TNR: variants seen among roughly 807,000 people sequenced by gnomAD.
TNR encodes tenascin R.
In TNR, 45 loss-of-function variants were observed where a neutral mutation model predicts 150.4. The ratio of observed to expected loss-of-function variants is 0.30; its 90% CI spans 0.24 to 0.38. The LOEUF is 0.38. Ranked by LOEUF, TNR falls within the 10% of genes least tolerant of loss-of-function variation. TNR has a pLI of 1.00. For synonymous variants in TNR, 687 were observed against 678.4 expected, an observed-to-expected ratio of 1.01 and a Z score of -0.20; for missense variants, 1,544 against 1,759.1, an observed-to-expected ratio of 0.88 and a Z score of 2.19.
At chr1:175,351,498 TA>T (rs968560081) in intron 18 of TNR, among the ~76,000 whole-genome samples, 1 of 152,228 alleles carries the variant, frequency 6.6e-6, no homozygotes, top group Admixed American at 6.5e-5. Flanking sequence ...CAAGGGGTAT[TA>T]AAAATCGCCT....
chr1:175,626,105 T>C (rs1558043421), intron 1 of TNR, among the ~76,000 whole-genome samples: 1 of 152,208 alleles, frequency 6.6e-6, no homozygotes, highest in Non-Finnish European at 1.5e-5. Context: ...GCCACTGCCA[T>C]GTAAGAAGTG....
chr1:175,342,504 A>G (rs1650571487), intron 18 of TNR, among the ~76,000 whole-genome samples: 1 of 152,160 alleles, frequency 6.6e-6, no homozygotes, highest in Non-Finnish European at 1.5e-5. Flanking sequence ...TCATTTATGG[A>G]GGCAATTGGA....
intron 1 of TNR, among the ~76,000 whole-genome samples, chr1:175,529,245 C>T (rs1040062716): frequency 1.7e-4 from 26 of 152,272 alleles, no homozygotes; most frequent in Admixed American, 1.4e-3. Flanking sequence ...TTTATAGGTG[C>T]TTCAAGAGGA....
rs991420009 is a variant in TNR, at chr1:175,595,034, G to A, written c.-164-66665C>T. ...ACAAAAAAAATAGCTGGATGTGGTG[G>A]TGGGCACCTATAGTCCCAGCTACTC... On this transcript the variant is annotated intron_variant, in intron 1 of 22. Transcript: ENST00000367674. Among the ~76,000 whole-genome samples, 4 of 151,854 alleles carry A rather than the reference G, an allele frequency of 2.6e-5. No individual in the cohort carries two copies. In the South Asian group the frequency reaches 8.3e-4, roughly 32 times the overall value.
chr1:175,722,913 T>C (rs930384107), intron 1 of TNR, among the ~76,000 whole-genome samples: 11 of 152,120 alleles, frequency 7.2e-5, no homozygotes, highest in Admixed American at 4.6e-4. Flanking sequence ...TGCCTCTGCC[T>C]CCCAAGTAGC....
chr1:175,417,716 C>T (rs61808375), intron 2 of TNR, among the ~76,000 whole-genome samples: 8 of 152,004 alleles, frequency 5.3e-5, no homozygotes, highest in Non-Finnish European at 1.2e-4. Flanking sequence ...GAAAATTGTA[C>T]TCATCCACAT....
chr1:175,568,633 G>A (rs1297402351), intron 1 of TNR, among the ~76,000 whole-genome samples: 2 of 151,992 alleles, frequency 1.3e-5, no homozygotes, highest in Admixed American at 1.3e-4. Context: ...CCAGTCCTCG[G>A]CCTCCCATCC....
intron 1 of TNR, among the ~76,000 whole-genome samples, chr1:175,703,043 A>C (rs899564742): frequency 2.7e-5 from 4 of 150,426 alleles, no homozygotes; most frequent in Admixed American, 2.6e-4. Flanking sequence ...TAAATAAAAG[A>C]AGGAAGGAAA....
intron 1 of TNR, among the ~76,000 whole-genome samples, chr1:175,718,331 C>T (rs1056306685): frequency 1.3e-5 from 2 of 152,158 alleles, no homozygotes; most frequent in African/African-American, 4.8e-5. Flanking sequence ...ATTTATGTTT[C>T]TGGATGAATA....
intron 2 of TNR, among the ~76,000 whole-genome samples, chr1:175,523,805 C>T (rs1490584749): frequency 6.6e-6 from 1 of 152,154 alleles, no homozygotes; most frequent in Non-Finnish European, 1.5e-5. Flanking sequence ...TCTATTGTTC[C>T]CATTGTTTGC....
chr1:175,705,545 C>T (rs1399081078), intron 1 of TNR, among the ~76,000 whole-genome samples: 1 of 151,906 alleles, frequency 6.6e-6, no homozygotes, highest in African/African-American at 2.4e-5. Flanking sequence ...AAAATAGATG[C>T]CAAACCAATG....
intron 12 of TNR, 107 bp downstream of exon 12, chr1:175,364,903 G>A (rs1028466306): frequency 7.2e-7 from 1 of 1,380,684 alleles, no homozygotes. Flanking sequence ...TAGCCATAGA[G>A]GAAATCCCCT....
At chr1:175,429,706 T>C (rs544666765) in intron 2 of TNR, among the ~76,000 whole-genome samples, 9 of 152,172 alleles carry the variant, frequency 5.9e-5, no homozygotes, top group African/African-American at 2.2e-4. Context: ...CAGGTTGGAA[T>C]AGGTGGAGAA....
At chr1:175,582,514 C>T (rs187565501) in intron 1 of TNR, among the ~76,000 whole-genome samples, 114 of 152,292 alleles carry the variant, frequency 7.5e-4, no homozygotes, top group Admixed American at 3.3e-3. Context: ...GGGAAGATGA[C>T]TACAAACAAG....
chr1:175,583,696 C>T (rs761848788), intron 1 of TNR, among the ~76,000 whole-genome samples: 1 of 152,176 alleles, frequency 6.6e-6, no homozygotes, highest in Non-Finnish European at 1.5e-5. Context: ...CCAAATACCC[C>T]CTTCCCCTCA....
chr1:175,514,008 A>G (rs1489591133), intron 2 of TNR, among the ~76,000 whole-genome samples: 3 of 152,232 alleles, frequency 2.0e-5, no homozygotes, highest in Non-Finnish European at 4.4e-5. Context: ...GATCACTTCC[A>G]GAGGTCCAGA....
At chr1:175,602,929 C>G (rs1663295557) in intron 1 of TNR, among the ~76,000 whole-genome samples, 1 of 152,192 alleles carries the variant, frequency 6.6e-6, no homozygotes, top group Non-Finnish European at 1.5e-5. Flanking sequence ...TTTTATTCAA[C>G]TTATTTTTTC....
intron 1 of TNR, among the ~76,000 whole-genome samples, chr1:175,712,080 A>G (rs1263351076): frequency 6.6e-6 from 1 of 152,156 alleles, no homozygotes; most frequent in Non-Finnish European, 1.5e-5. Context: ...CATCACTGCC[A>G]TCATCTCTAC....
chr1:175,335,840 A>G (rs1172996480), intron 19 of TNR, 33 bp from the exon 20 acceptor site: 1 of 1,569,000 alleles, frequency 6.4e-7, no homozygotes, highest in African/African-American at 1.4e-5. Flanking sequence ...AAAAACAAAC[A>G]AACAAAAAAA....
Sources: gnomAD v4.1 joint callset for allele counts (sites outside exome capture counted in the v4.1 genomes callset) on GRCh38, gnomAD v4.1.1 for gene constraint, MANE v1.5 for transcripts, NCBI Gene and HGNC (gene_info 2026-07-23, HGNC 2026-07-21) for gene names.